ZHX2: variants seen among roughly 807,000 people sequenced by gnomAD.
The protein encoded by ZHX2 is zinc fingers and homeoboxes 2.
A neutral mutation model predicts 21.9 loss-of-function variants in ZHX2; 6 were observed. That is an observed-to-expected ratio of 0.27 (90% CI 0.15 to 0.54). The LOEUF (loss-of-function observed/expected upper bound fraction) is 0.54, where lower values mean the gene tolerates loss of function less well. Ranked by LOEUF, ZHX2 falls within the 20% of genes least tolerant of loss-of-function variation. The probability of loss-of-function intolerance (pLI) is 0.95; values close to 1 mark genes in which losing one functional copy is unlikely to be tolerated. For missense variants in ZHX2, 908 were observed against 1,090.7 expected (o/e 0.83, Z 2.36); for synonymous variants, 434 against 437.1 (o/e 0.99, Z 0.09).
chr8:122,874,409 T>C (rs1191236411), intron 2 of ZHX2, among the ~76,000 whole-genome samples: 1 of 152,204 alleles, frequency 6.6e-6, no homozygotes, highest in African/African-American at 2.4e-5. Context: ...CTCAGCTTAC[T>C]GCAACTTCCG....
intron 3 of ZHX2, among the ~76,000 whole-genome samples, chr8:122,964,349 A>G (rs1813527836): frequency 6.6e-6 from 1 of 152,102 alleles, no homozygotes; most frequent in African/African-American, 2.4e-5. Flanking sequence ...GGTTTTAATC[A>G]TATAGGGATG....
At chr8:122,871,165 G>A (rs1298311549) in intron 2 of ZHX2, among the ~76,000 whole-genome samples, 3 of 152,088 alleles carry the variant, frequency 2.0e-5, no homozygotes, top group African/African-American at 7.2e-5. Flanking sequence ...CTGAGCCTCA[G>A]TTTCCTTATC....
At chr8:122,934,452 T>C (rs1459315735) in intron 2 of ZHX2, among the ~76,000 whole-genome samples, 1 of 152,198 alleles carries the variant, frequency 6.6e-6, no homozygotes, top group Non-Finnish European at 1.5e-5. Context: ...ATAATTATAT[T>C]CTGTTCCTCC....
At chr8:122,904,337 C>G (rs1376283391) in intron 2 of ZHX2, among the ~76,000 whole-genome samples, 2 of 152,168 alleles carry the variant, frequency 1.3e-5, no homozygotes, top group African/African-American at 4.8e-5. Flanking sequence ...AATGCAGAGC[C>G]TAGAATTCCA....
At chr8:122,840,039 A>T (rs1366150343) in intron 1 of ZHX2, among the ~76,000 whole-genome samples, 2 of 152,176 alleles carry the variant, frequency 1.3e-5, no homozygotes. Context: ...AGGCTGGTAC[A>T]TGGGGCCACT....
At chr8:122,878,804 A>C (rs1293266783) in intron 2 of ZHX2, among the ~76,000 whole-genome samples, 1 of 152,178 alleles carries the variant, frequency 6.6e-6, no homozygotes, top group African/African-American at 2.4e-5. Context: ...TTCAAGCCAC[A>C]TGGAGGAGTC....
At chr8:122,919,544 C>G (rs1032202822) in intron 2 of ZHX2, among the ~76,000 whole-genome samples, 1 of 152,198 alleles carries the variant, frequency 6.6e-6, no homozygotes, top group Non-Finnish European at 1.5e-5. Context: ...TGGTACCACT[C>G]TTGCAAACCA....
intron 2 of ZHX2, among the ~76,000 whole-genome samples, chr8:122,922,084 T>G (rs1203068344): frequency 6.6e-6 from 1 of 152,134 alleles, no homozygotes; most frequent in Non-Finnish European, 1.5e-5. Context: ...CTTGTAGCTC[T>G]TTGTGCTAAA....
chr8:122,898,113 A>G (rs1820141814), intron 2 of ZHX2, among the ~76,000 whole-genome samples: 2 of 152,218 alleles, frequency 1.3e-5, no homozygotes, highest in African/African-American at 4.8e-5. Flanking sequence ...ATCCTTGCCT[A>G]GGTGCCTTGT....
intron 1 of ZHX2, among the ~76,000 whole-genome samples, chr8:122,788,426 G>T (rs984642038): frequency 4.6e-5 from 7 of 152,090 alleles, no homozygotes; most frequent in African/African-American, 1.7e-4. Flanking sequence ...AATGAACTGG[G>T]CGTGGTGACA....
chr8:122,932,755 C>T (rs1476675640), intron 2 of ZHX2, among the ~76,000 whole-genome samples: 2 of 152,226 alleles, frequency 1.3e-5, no homozygotes, highest in African/African-American at 4.8e-5. Flanking sequence ...TCCCTTTTCA[C>T]GTCATCCAAA....
intron 1 of ZHX2, among the ~76,000 whole-genome samples, chr8:122,840,644 T>A (rs1447516716): frequency 6.6e-6 from 1 of 152,200 alleles, no homozygotes; most frequent in Non-Finnish European, 1.5e-5. Context: ...ACTCAATAAA[T>A]AAGAGTAGTC....
rs1813813181 is a variant in ZHX2, at chr8:122,974,467, C to T, written c.*1230C>T. 1 of 151,936 alleles carries T rather than the reference C, an allele frequency of 6.6e-6. No individual in the cohort carries two copies. The highest frequency in any genetic ancestry group is 1.5e-5 in the Non-Finnish European group (1 of 67,992). 9.4% of individuals were successfully genotyped at this position (151,936 alleles called of 1,614,324 possible). On this transcript the variant is annotated 3_prime_UTR_variant, in exon 4 of 4. Coordinates refer to ENST00000314393, the MANE Select transcript of ZHX2 (RefSeq NM_014943.5). The stretch of plus-strand genomic sequence containing the variant: ...AAACCAATTTTTCTAACTTGTTGCT[C>T]ATTTGTTGTAACTCAATAAAGCAAA...
At position 122,953,724 on chromosome 8, in the gene ZHX2, C is replaced by T. The variant is rs749127429; in HGVS notation, c.2214C>T (p.Cys738=). ...PQYYKDPKKL[C]EEDLEKLVTR... is the part of the protein sequence containing the mutation. ...ATTACAAGGACCCCAAAAAGCTCTG[C>T]GAAGAGGACTTGGAGAAGTTGGTGA... The change falls in exon 3 of 4, where the codon TGC becomes TGT. Residue 738 remains cysteine, a synonymous_variant. Coordinates refer to ENST00000314393, the MANE Select transcript of ZHX2 (RefSeq NM_014943.5). The surrounding 1 kb of genome is among the most constrained non-coding windows in gnomAD (Gnocchi z 4.6). 8.1e-6 allele frequency: 13 copies of T among 1,614,072 alleles called. No individual in the cohort carries two copies. The highest frequency in any genetic ancestry group is 5.3e-5 in the African/African-American group (4 of 74,922).
intron 2 of ZHX2, among the ~76,000 whole-genome samples, chr8:122,891,293 T>C (rs968671439): frequency 0.013 from 1,965 of 149,264 alleles, 47 homozygotes; most frequent in African/African-American, 0.045. Flanking sequence ...TGTGTGTGTG[T>C]GTGTGTGTGT....
chr8:122,895,295 G>A (rs1820073727), intron 2 of ZHX2, among the ~76,000 whole-genome samples: 1 of 152,162 alleles, frequency 6.6e-6, no homozygotes, highest in Non-Finnish European at 1.5e-5. Context: ...TGACACTTTT[G>A]CCAGTGGAGA....
chr8:122,885,937 G>A (rs180861310), intron 2 of ZHX2, among the ~76,000 whole-genome samples: 147 of 152,238 alleles, frequency 9.7e-4, no homozygotes, highest in African/African-American at 3.2e-3. Flanking sequence ...TATATGTTTG[G>A]GAGGCATTCA....
chr8:122,790,039 G>T (rs16897427), intron 1 of ZHX2, among the ~76,000 whole-genome samples: 2 of 152,232 alleles, frequency 1.3e-5, no homozygotes, highest in Non-Finnish European at 2.9e-5. Flanking sequence ...TTGCATTCGA[G>T]AGTGTGAACT....
chr8:122,835,646 T>C (rs1818478003), intron 1 of ZHX2, among the ~76,000 whole-genome samples: 2 of 151,922 alleles, frequency 1.3e-5, no homozygotes, highest in South Asian at 4.1e-4. Flanking sequence ...TGGACAGCAG[T>C]CTGCTGGATT....
Sources: allele counts gnomAD v4.1 joint callset (sites outside exome capture counted in the v4.1 genomes callset), GRCh38; gene constraint gnomAD v4.1.1; non-coding constraint Gnocchi (gnomAD v3.1); transcripts MANE v1.5; gene names NCBI Gene and HGNC (gene_info 2026-07-23, HGNC 2026-07-21).